TLE5: variants seen among roughly 807,000 people sequenced by gnomAD.
TLE5 encodes the protein TLE family member 5.
In TLE5, 7 loss-of-function variants were observed where a neutral mutation model predicts 25.8. That is an observed-to-expected ratio of 0.27 (90% CI 0.15 to 0.51). The LOEUF is 0.51. Ranked by LOEUF, TLE5 falls within the 20% of genes least tolerant of loss-of-function variation. The pLI, the probability that TLE5 is intolerant of heterozygous loss-of-function variation, is 0.97. For synonymous variants in TLE5, 132 were observed against 110.5 expected (o/e 1.20, Z -1.22); for missense variants, 149 against 250.7 (o/e 0.59, Z 2.74).
intron 4 of TLE5, chr19:3,055,986 C>CG: frequency 1.9e-6 from 1 of 520,624 alleles, no homozygotes; most frequent in Non-Finnish European, 3.4e-6. Flanking sequence ...GCACATTCCT[C>CG]GGGGGTCGGC....
intron 4 of TLE5, 103 bp from the exon 5 acceptor site, chr19:3,055,829 G>T: frequency 1.5e-6 from 2 of 1,292,432 alleles, no homozygotes; most frequent in East Asian, 2.5e-5. Context: ...GCCACTTGCG[G>T]CTTCTAAGAG....
intron 1 of TLE5, among the ~76,000 whole-genome samples, chr19:3,061,619 C>T (rs2090269120): frequency 6.6e-6 from 1 of 151,744 alleles, no homozygotes; most frequent in African/African-American, 2.4e-5. Context: ...GCCCCCTCCC[C>T]AAGTTGGGGG....
intron 2 of TLE5, among the ~76,000 whole-genome samples, chr19:3,060,201 A>C (rs1599273768): frequency 6.6e-6 from 1 of 151,920 alleles, no homozygotes; most frequent in East Asian, 1.9e-4. Flanking sequence ...GGCAGGCGAG[A>C]ACCTATATCC....
chr19:3,062,225 CTGCGCCCCGGCTG>C lies in TLE5; in HGVS notation c.-38_-26del, dbSNP rs992918912. 3.0e-5 allele frequency: 34 copies of C among 1,115,466 alleles called. No homozygotes were observed. Among genetic ancestry groups the C allele is most frequent in the Admixed American group, 1.5e-4 (3 of 19,432 alleles). The allele number at this position is 1,115,466 out of a possible 1,614,324, so 69.1% of individuals were successfully genotyped here. On this transcript the variant is annotated 5_prime_UTR_variant, in exon 1 of 7. Transcript: ENST00000327141. ...TGTCAATCGCGGCGGGGGGCGCGGGCTGCGCCCCGGCTGTGCGCCCCGGCTCGGGCTGCTGGGG... is the reference window on the plus strand; with the variant it reads ...TGTCAATCGCGGCGGGGGGCGCGGGCTGCGCCCCGGCTCGGGCTGCTGGGG...
At chr19:3,059,849 C>T (rs2090250160) in intron 2 of TLE5, among the ~76,000 whole-genome samples, 1 of 152,196 alleles carries the variant, frequency 6.6e-6, no homozygotes, top group African/African-American at 2.4e-5. Context: ...ACAAAAGCTT[C>T]TGGGGCCTGC....
intron 2 of TLE5, among the ~76,000 whole-genome samples, chr19:3,059,342 C>T (rs769347414): frequency 1.1e-4 from 17 of 151,880 alleles, no homozygotes; most frequent in Admixed American, 7.2e-4. Context: ...GCCAACATAA[C>T]GAAAGCCCGT....
chr19:3,053,807 C>T lies in TLE5; in HGVS notation c.*12G>A. ...CTGTCCCCCCTCCCAACCTCCCTGT[C>T]CCGGCCCCCTGCTAATCCGACTTCT... On this transcript the variant is annotated 3_prime_UTR_variant, in exon 7 of 7. Transcript: ENST00000327141. 6.2e-7 allele frequency: 1 copy of T among 1,612,122 alleles called. No individual in the cohort carries two copies. Among genetic ancestry groups the T allele is most frequent in the Admixed American group, 1.7e-5 (1 of 60,006 alleles).
At chr19:3,062,759 G>A, upstream of TLE5, 1 of 1,547,194 alleles carries the variant, frequency 6.5e-7, no homozygotes, top group Non-Finnish European at 8.7e-7. Context: ...CCGGCTGCCC[G>A]CGTCGAAGCC....
intron 4 of TLE5, 116 bp downstream of exon 4, chr19:3,056,196 T>C (rs545515726): frequency 2.0e-5 from 10 of 506,394 alleles, no homozygotes; most frequent in South Asian, 1.9e-4. Flanking sequence ...CGGGCTGGCT[T>C]GGTGCCCAGC....
intron 5 of TLE5, 109 bp from the exon 6 acceptor site, chr19:3,054,303 A>T: frequency 9.7e-7 from 1 of 1,032,430 alleles, no homozygotes; most frequent in Non-Finnish European, 1.5e-6. Flanking sequence ...GTGGGCCATC[A>T]TGTCTGCTCC....
At chr19:3,062,508 G>A (rs2145269753), upstream of TLE5, 1 of 636,510 alleles carries the variant, frequency 1.6e-6, no homozygotes, top group African/African-American at 2.0e-5. Context: ...CCGCGGCTCG[G>A]CTGCTGCGGA....
intron 2 of TLE5, among the ~76,000 whole-genome samples, chr19:3,058,286 G>A (rs570836987): frequency 4.8e-4 from 73 of 152,264 alleles, no homozygotes; most frequent in South Asian, 1.7e-3. Context: ...ACCTCTCACG[G>A]TCCCGACGAG....
At chr19:3,057,316 C>T (rs1230685989) in intron 3 of TLE5, 5 of 311,528 alleles carry the variant, frequency 1.6e-5, no homozygotes, top group East Asian at 1.5e-4. Flanking sequence ...AGCGTGTGGA[C>T]GCTGGGACCT....
chr19:3,054,778 T>C (rs1274451261), intron 5 of TLE5: 1 of 155,124 alleles, frequency 6.4e-6, no homozygotes, highest in African/African-American at 2.4e-5. Context: ...AATCTACCAA[T>C]CTCCCTTTTT....
intron 2 of TLE5, 140 bp from the exon 3 acceptor site, chr19:3,057,882 A>G (rs2090233877): frequency 2.6e-6 from 2 of 762,562 alleles, no homozygotes; most frequent in South Asian, 3.2e-5. Context: ...GGGTCAAGCA[A>G]TAATTTTTTT....
Position 3,056,293 on chromosome 19 carries a change from G to A in TLE5, c.234+19C>T. 2.6e-6 allele frequency: 4 copies of A among 1,513,808 alleles called. No homozygotes were observed. The highest frequency in any genetic ancestry group is 1.8e-6 in the Non-Finnish European group (2 of 1,128,078). The allele number at this position is 1,513,808 out of a possible 1,614,324, so 93.8% of individuals were successfully genotyped here. On this transcript the variant is annotated intron_variant, in intron 4 of 6. Transcript: ENST00000327141. Reference sequence around the variant, plus strand: ...GGGGAAGGAGGAGGAGGAGGAGGAGGAGGAGGAGATGGGCGTACCTGTTTG... The same window carrying A: ...GGGGAAGGAGGAGGAGGAGGAGGAGAAGGAGGAGATGGGCGTACCTGTTTG...
At chr19:3,058,228 G>A (rs967129936) in intron 2 of TLE5, among the ~76,000 whole-genome samples, 3 of 152,126 alleles carry the variant, frequency 2.0e-5, no homozygotes, top group African/African-American at 7.2e-5. Flanking sequence ...AACAACAGAA[G>A]TTAGAGGGGG....
At chr19:3,056,232 G>C in intron 4 of TLE5, 80 bp downstream of exon 4, 1 of 1,085,730 alleles carries the variant, frequency 9.2e-7, no homozygotes, top group African/African-American at 1.7e-5. Context: ...ACCTGCCTGG[G>C]GGTGCCCAAG....
chr19:3,057,308 C>T (rs1338907659), intron 3 of TLE5: 1 of 295,828 alleles, frequency 3.4e-6, no homozygotes, highest in Non-Finnish European at 6.6e-6. Flanking sequence ...AGGGGTTAAG[C>T]GTGTGGACGC....
Sources: allele counts gnomAD v4.1 joint callset (sites outside exome capture counted in the v4.1 genomes callset), GRCh38; gene constraint gnomAD v4.1.1; transcripts MANE v1.5; gene names NCBI Gene and HGNC (gene_info 2026-07-23, HGNC 2026-07-21).